ABI3BP: variants seen among roughly 807,000 people sequenced by gnomAD.
The protein encoded by ABI3BP is target of Nesh-SH3.
A neutral mutation model predicts 268.6 loss-of-function variants in ABI3BP; 216 were observed. The observed-to-expected ratio is 0.80, with a 90% CI of 0.72 to 0.90. ABI3BP has a LOEUF of 0.90. Ranked by LOEUF, ABI3BP falls within the 40% of genes least tolerant of loss-of-function variation. The pLI, the probability that ABI3BP is intolerant of heterozygous loss-of-function variation, is 0.00. For synonymous variants in ABI3BP, 730 were observed against 730.0 expected, an observed-to-expected ratio of 1.00 and a Z score of 0.00; for missense variants, 2,090 against 2,182.4, an observed-to-expected ratio of 0.96 and a Z score of 0.84.
At chr3:100,825,605 CTTG>C (rs1457594837) in intron 35 of ABI3BP, among the ~76,000 whole-genome samples, 177 bp downstream of exon 35, 1 of 152,142 alleles carries the variant, frequency 6.6e-6, no homozygotes, top group African/African-American at 2.4e-5. Flanking sequence ...CAGCAGGAAA[CTTG>C]TTTTTAGGAG....
intron 51 of ABI3BP, among the ~76,000 whole-genome samples, chr3:100,798,194 G>A (rs1196159420): frequency 6.6e-6 from 1 of 152,150 alleles, no homozygotes. Flanking sequence ...GTTTACTGAG[G>A]AATTTAGGCT....
Position 100,850,667 on chromosome 3 carries a change from T to G in ABI3BP, c.1419A>C (p.Ala473=). The change falls in exon 16 of 68, where the codon GCA becomes GCC. Residue 473 remains alanine, a synonymous_variant. Coordinates refer to ENST00000471714, the MANE Select transcript of ABI3BP (RefSeq NM_001375547.2). ...KTSRTLEQPR[A]TLAPSETPFV... ...TTCTGTTAAAAACATTACCCAGTGTTGCCCTTGGCTGTTCAAGAGTTCTAG... is the reference window on the plus strand; with the variant it reads ...TTCTGTTAAAAACATTACCCAGTGTGGCCCTTGGCTGTTCAAGAGTTCTAG... The G allele has an allele frequency of 1.2e-6, 2 of 1,610,262 alleles. No homozygotes were observed. The highest frequency in any genetic ancestry group is 1.7e-6 in the Non-Finnish European group (2 of 1,176,760).
At chr3:100,842,250 G>T (rs754302247) in intron 20 of ABI3BP, among the ~76,000 whole-genome samples, 1 of 152,010 alleles carries the variant, frequency 6.6e-6, no homozygotes, top group South Asian at 2.1e-4. Flanking sequence ...AGCTGTTACC[G>T]TCACTTCCCA....
At chr3:100,964,093 A>C (rs2080280083) in intron 1 of ABI3BP, among the ~76,000 whole-genome samples, 1 of 152,150 alleles carries the variant, frequency 6.6e-6, no homozygotes. Flanking sequence ...TTTTGATGAG[A>C]AGCAGCCCCA....
chr3:100,752,618 C>T (rs2095399911), intron 66 of ABI3BP, 169 bp downstream of exon 66: 1 of 629,520 alleles, frequency 1.6e-6, no homozygotes. Context: ...GTCTTAAATC[C>T]TTGCTTTCTA....
chr3:100,966,704 T>G (rs754339031), intron 1 of ABI3BP, among the ~76,000 whole-genome samples: 6 of 152,174 alleles, frequency 3.9e-5, no homozygotes, highest in Non-Finnish European at 7.4e-5. Context: ...TCAAAATACC[T>G]CCCCTGATCC....
chr3:100,956,709 T>C (rs867910971), intron 1 of ABI3BP, among the ~76,000 whole-genome samples: 12 of 152,056 alleles, frequency 7.9e-5, no homozygotes, highest in Admixed American at 4.6e-4. Context: ...AGAGTCAAGG[T>C]GGGAAGGGGC....
intron 2 of ABI3BP, among the ~76,000 whole-genome samples, chr3:100,913,227 G>T (rs562639026): frequency 1.8e-4 from 28 of 152,138 alleles, no homozygotes; most frequent in African/African-American, 6.5e-4. Context: ...CAGCAATGGG[G>T]TATAAAATGA....
chr3:100,799,650 C>T (rs1239642860), intron 51 of ABI3BP, among the ~76,000 whole-genome samples: 2 of 152,120 alleles, frequency 1.3e-5, no homozygotes. Context: ...GCCTCATCTC[C>T]CAACTCCTTT....
intron 1 of ABI3BP, among the ~76,000 whole-genome samples, chr3:100,986,906 A>G (rs1576471885): frequency 6.6e-6 from 1 of 152,026 alleles, no homozygotes; most frequent in Non-Finnish European, 1.5e-5. Flanking sequence ...ATGTATATCA[A>G]TTATTGTTTT....
intron 9 of ABI3BP, among the ~76,000 whole-genome samples, chr3:100,872,271 TA>T (rs1194056801): frequency 6.6e-6 from 1 of 152,236 alleles, no homozygotes; most frequent in African/African-American, 2.4e-5. Context: ...AAATAACACT[TA>T]ATTCTGGACT....
chr3:100,753,511 C>T (rs1330810639), intron 65 of ABI3BP, among the ~76,000 whole-genome samples: 1 of 151,772 alleles, frequency 6.6e-6, no homozygotes, highest in Admixed American at 6.6e-5. Flanking sequence ...AGGCTGGTCT[C>T]CAGCTCCTGG....
At chr3:100,830,422 A>G (rs2098471380) in intron 32 of ABI3BP, among the ~76,000 whole-genome samples, 156 bp downstream of exon 32, 1 of 151,986 alleles carries the variant, frequency 6.6e-6, no homozygotes, top group Non-Finnish European at 1.5e-5. Flanking sequence ...ACCAACAAGA[A>G]ATTGTTTTAA....
rs758032655 is a variant in ABI3BP, at chr3:100,993,313, C to T, written c.72G>A (p.Leu24=). ...ITLALGNAQK[L]PKGKRPNLKV... ...AAACATCAGGCTACTTGCCTTTTGGCAATTTCTGTGCATTTCCCAGGGCTA... is the reference window on the plus strand; with the variant it reads ...AAACATCAGGCTACTTGCCTTTTGGTAATTTCTGTGCATTTCCCAGGGCTA... The change falls in exon 1 of 68, where the codon TTG becomes TTA. Residue 24 remains leucine (L), a synonymous_variant. Transcript: ENST00000471714. 24 of 1,550,254 alleles carry T rather than the reference C, an allele frequency of 1.5e-5. No individual in the cohort carries two copies. The highest frequency in any genetic ancestry group is 2.0e-5 in the Non-Finnish European group (23 of 1,146,010).
At chr3:100,822,455 G>T (rs982244322) in intron 38 of ABI3BP, 134 bp downstream of exon 38, 4 of 677,448 alleles carry the variant, frequency 5.9e-6, no homozygotes, top group Non-Finnish European at 7.4e-6. Context: ...TTCACAGTGG[G>T]ATCTGCTGCT....
chr3:100,975,854 A>G (rs901187835), intron 1 of ABI3BP, among the ~76,000 whole-genome samples: 7 of 152,090 alleles, frequency 4.6e-5, no homozygotes, highest in African/African-American at 1.7e-4. Flanking sequence ...TCCAGAGGGT[A>G]TTTGGTCTGG....
chr3:100,911,487 TG>T (rs1311221177), intron 2 of ABI3BP: 4 of 422,962 alleles, frequency 9.5e-6, no homozygotes, highest in Non-Finnish European at 1.7e-5. Flanking sequence ...GCTTGTTCAT[TG>T]TTTTTCACTT....
intron 1 of ABI3BP, among the ~76,000 whole-genome samples, chr3:100,991,950 A>C (rs1246195028): frequency 6.6e-6 from 1 of 152,198 alleles, no homozygotes; most frequent in Non-Finnish European, 1.5e-5. Context: ...TTCTGTAGGT[A>C]TTAAGACTGA....
chr3:100,907,419 A>G (rs2053925618), intron 2 of ABI3BP, among the ~76,000 whole-genome samples: 1 of 152,162 alleles, frequency 6.6e-6, no homozygotes, highest in Non-Finnish European at 1.5e-5. Context: ...GCTTGAGCCC[A>G]TGAGGCACAG....
Sources: allele counts gnomAD v4.1 joint callset (sites outside exome capture counted in the v4.1 genomes callset), GRCh38; gene constraint gnomAD v4.1.1; transcripts MANE v1.5; gene names NCBI Gene and HGNC (gene_info 2026-07-23, HGNC 2026-07-21).